Variants in PACS1 observed in about 807,000 individuals in gnomAD.
PACS1 encodes the protein phosphofurin acidic cluster sorting protein 1.
In PACS1, 24 loss-of-function variants were observed where a neutral mutation model predicts 115.0. The ratio of observed to expected loss-of-function variants is 0.21; its 90% CI spans 0.15 to 0.29. PACS1 has a LOEUF of 0.29. PACS1 is among the 10% of genes least tolerant of loss of function. The pLI is 1.00. For synonymous variants in PACS1, 453 were observed against 504.5 expected (o/e 0.90, Z 1.37); for missense variants, 838 against 1,251.2 (o/e 0.67, Z 4.98).
rs972034257 is a variant in PACS1, at chr11:66,233,514, C to A, written c.1839-271C>A. ...TGGATTCCAGGCCTGGGGGCACACA[C>A]CCTGCGGGCATCCCAGGCACACTGC... is the stretch of plus-strand genomic sequence containing the variant. On this transcript the variant is annotated intron_variant, in intron 15 of 23. Coordinates refer to ENST00000320580, the MANE Select transcript of PACS1 (RefSeq NM_018026.4). This position sits in a 1 kb window ranked among gnomAD's most constrained non-coding sequence, Gnocchi z 4.5. 1.3e-5 allele frequency among the ~76,000 whole-genome samples: 2 copies of A among 152,208 alleles called. No homozygotes were observed. Among genetic ancestry groups the A allele is most frequent in the Non-Finnish European group, 2.9e-5 (2 of 68,044 alleles).
intron 19 of PACS1, 48 bp from the exon 20 acceptor site, chr11:66,238,756 G>T: frequency 6.6e-7 from 1 of 1,523,840 alleles, no homozygotes; most frequent in Non-Finnish European, 9.0e-7. Flanking sequence ...ATCAGAACAT[G>T]CCTGCTTTAA....
chr11:66,096,084 A>G (rs1003057179), intron 1 of PACS1, among the ~76,000 whole-genome samples: 6 of 151,498 alleles, frequency 4.0e-5, no homozygotes, highest in African/African-American at 1.5e-4. Context: ...ACAGGCATGC[A>G]CTACCATGCT....
At chr11:66,107,497 G>A (rs1013778926) in intron 1 of PACS1, among the ~76,000 whole-genome samples, 1 of 152,164 alleles carries the variant, frequency 6.6e-6, no homozygotes, top group Non-Finnish European at 1.5e-5. Context: ...TGAGGGCCAT[G>A]ATTTGTACTG....
At chr11:66,101,999 G>A (rs905675371) in intron 1 of PACS1, among the ~76,000 whole-genome samples, 3 of 152,148 alleles carry the variant, frequency 2.0e-5, no homozygotes, top group African/African-American at 7.2e-5. Flanking sequence ...CATTTTATAT[G>A]GTGTGGGCTG....
chr11:66,230,173 G>C (rs1855559731), intron 11 of PACS1, among the ~76,000 whole-genome samples: 1 of 151,928 alleles, frequency 6.6e-6, no homozygotes, highest in African/African-American at 2.4e-5. Flanking sequence ...AAAAGGAATG[G>C]GGCTATGGCC....
rs138237210 is a variant in PACS1, at chr11:66,209,388, A to T, written c.445-974A>T. On this transcript the variant is annotated intron_variant, in intron 2 of 23. Coordinates refer to ENST00000320580, the MANE Select transcript of PACS1 (RefSeq NM_018026.4). ...TGGAGAGCAGGGAGGTTAAAGAGGA[A>T]GTTCCTGGGAAAAAAAAGGAACAGT... 3.3e-3 allele frequency among the ~76,000 whole-genome samples: 497 copies of T among 152,184 alleles called. 11 individuals carry two copies. The highest frequency in any genetic ancestry group is 0.026 in the Admixed American group (401 of 15,274).
intron 4 of PACS1, among the ~76,000 whole-genome samples, chr11:66,212,332 C>T (rs1294219657): frequency 1.3e-5 from 2 of 151,472 alleles, no homozygotes; most frequent in Non-Finnish European, 2.9e-5. Flanking sequence ...CGGGGTTTCA[C>T]CATGTTGGCC....
At position 66,233,635 on chromosome 11, in the gene PACS1, T is replaced by C; in HGVS notation, c.1839-150T>C. 1 of 705,052 alleles carries C rather than the reference T, an allele frequency of 1.4e-6. No individual in the cohort carries two copies. The highest frequency in any genetic ancestry group is 2.3e-6 in the Non-Finnish European group (1 of 437,560). 43.7% of individuals were successfully genotyped at this position (705,052 alleles called of 1,614,324 possible). A position where few individuals can be genotyped will look rare whatever the true frequency, so the allele number is the denominator to read the frequency against. ...TTGGTTGTGAAAGCACTGTGGCTTA[T>C]TCCCTGTATGATCCTCTCTGTTTTA... On this transcript the variant is annotated intron_variant, in intron 15 of 23. Coordinates refer to ENST00000320580, the MANE Select transcript of PACS1 (RefSeq NM_018026.4). This position sits in a 1 kb window ranked among gnomAD's most constrained non-coding sequence, Gnocchi z 4.5.
chr11:66,243,038 G>T lies in PACS1; in HGVS notation c.2776+7G>T, dbSNP rs200179502. The T allele has an allele frequency of 6.9e-5, 111 of 1,613,860 alleles. No homozygotes were observed. The East Asian group carries it at 2.5e-3, about 36-fold the overall frequency. ...CAGCAGACTATGCTGAGAGGTGCGAGGGCAGGCAGGGCCGGGAGGAGGGCA... is the reference window on the plus strand; with the variant it reads ...CAGCAGACTATGCTGAGAGGTGCGATGGCAGGCAGGGCCGGGAGGAGGGCA... On this transcript the variant is annotated splice_region_variant and intron_variant, in intron 23 of 23. Transcript: ENST00000320580.
chr11:66,233,160 C>G lies in PACS1; in HGVS notation c.1838+94C>G. The G allele has an allele frequency of 1.1e-6, 1 of 909,998 alleles. No homozygotes were observed. Among genetic ancestry groups the G allele is most frequent in the Non-Finnish European group, 1.7e-6 (1 of 581,492 alleles). 56.4% of individuals were successfully genotyped at this position (909,998 alleles called of 1,614,324 possible). On this transcript the variant is annotated intron_variant, in intron 15 of 23. Transcript: ENST00000320580. This position sits in a 1 kb window ranked among gnomAD's most constrained non-coding sequence, Gnocchi z 4.5. ...TCTAAGCAATGATAGACCCTCCTGG[C>G]CTCATCAGACCAAGAATTTGCAGAG...
intron 1 of PACS1, among the ~76,000 whole-genome samples, chr11:66,136,121 C>T (rs61891827): frequency 0.17 from 26,103 of 152,136 alleles, 2,786 homozygotes; most frequent in Admixed American, 0.3. Flanking sequence ...TAAGTACGTC[C>T]TACGGGTTAT....
At chr11:66,167,725 C>T (rs1590792145) in intron 1 of PACS1, among the ~76,000 whole-genome samples, 1 of 150,018 alleles carries the variant, frequency 6.7e-6, no homozygotes, top group Non-Finnish European at 1.5e-5. Flanking sequence ...GTGGATCCAA[C>T]TTTCCTTTTT....
At chr11:66,104,602 T>C (rs904271427) in intron 1 of PACS1, among the ~76,000 whole-genome samples, 1 of 152,088 alleles carries the variant, frequency 6.6e-6, no homozygotes, top group African/African-American at 2.4e-5. Flanking sequence ...ATAGAAAAAG[T>C]TTGCCAACCT....
At chr11:66,078,162 A>T (rs1423724919) in intron 1 of PACS1, among the ~76,000 whole-genome samples, 2 of 152,196 alleles carry the variant, frequency 1.3e-5, no homozygotes, top group African/African-American at 4.8e-5. Flanking sequence ...TCATCCTTTC[A>T]ACACTTTCAG....
At chr11:66,127,449 A>T (rs568956635) in intron 1 of PACS1, among the ~76,000 whole-genome samples, 1 of 152,312 alleles carries the variant, frequency 6.6e-6, no homozygotes, top group Admixed American at 6.5e-5. Context: ...CTTAGCAGAG[A>T]ACCGCCTGGT....
chr11:66,159,533 T>C (rs1421500380), intron 1 of PACS1, among the ~76,000 whole-genome samples: 1 of 152,158 alleles, frequency 6.6e-6, no homozygotes, highest in African/African-American at 2.4e-5. Flanking sequence ...GCCAGTTACA[T>C]TCCCACAAGC....
At chr11:66,171,715 G>A (rs1859742621) in intron 1 of PACS1, among the ~76,000 whole-genome samples, 1 of 149,822 alleles carries the variant, frequency 6.7e-6, no homozygotes, top group African/African-American at 2.5e-5. Context: ...GAGTAGCTGG[G>A]ACTATAGGCG....
chr11:66,238,435 GTT>G (rs1590842489), intron 19 of PACS1: 2 of 685,040 alleles, frequency 2.9e-6, no homozygotes, highest in African/African-American at 3.9e-5. Context: ...GTTGTTTTTT[GTT>G]TGTTTGTTTC....
chr11:66,113,574 G>T (rs1347057441), intron 1 of PACS1, among the ~76,000 whole-genome samples: 1 of 152,214 alleles, frequency 6.6e-6, no homozygotes, highest in East Asian at 1.9e-4. Context: ...TTGACAAGAA[G>T]ACATAAGAGT....
Sources: allele counts gnomAD v4.1 joint callset (sites outside exome capture counted in the v4.1 genomes callset), GRCh38; gene constraint gnomAD v4.1.1; non-coding constraint Gnocchi (gnomAD v3.1); transcripts MANE v1.5; gene names NCBI Gene and HGNC (gene_info 2026-07-23, HGNC 2026-07-21).